CD109: variants seen among roughly 807,000 people sequenced by gnomAD.
CD109 encodes the protein CD109 molecule.
Under a neutral mutation model 165.8 loss-of-function variants are expected in CD109, and 149 were observed. The ratio of observed to expected loss-of-function variants is 0.90; its 90% CI spans 0.79 to 1.03. The LOEUF is 1.03. CD109 is among the 50% of genes least tolerant of loss of function. CD109 has a pLI of 0.00. For missense variants in CD109, 1,712 were observed against 1,677.8 expected (o/e 1.02, Z -0.36); for synonymous variants, 585 against 592.1 (o/e 0.99, Z 0.18).
At chr6:73,772,422 A>G (rs1179671550) in intron 15 of CD109, among the ~76,000 whole-genome samples, 8 of 149,766 alleles carry the variant, frequency 5.3e-5, no homozygotes, top group Non-Finnish European at 7.4e-5. Flanking sequence ...GGAGAATGGC[A>G]TGAATCCCAG....
chr6:73,751,618 ATAT>A (rs1773191388), intron 5 of CD109, among the ~76,000 whole-genome samples: 1 of 152,108 alleles, frequency 6.6e-6, no homozygotes, highest in Non-Finnish European at 1.5e-5. Flanking sequence ...GCCAGCACAA[ATAT>A]TATACCCTTT....
intron 22 of CD109, among the ~76,000 whole-genome samples, chr6:73,791,254 G>A (rs1291236198): frequency 1.7e-5 from 2 of 117,548 alleles, no homozygotes; most frequent in South Asian, 5.2e-4. Flanking sequence ...GTTTAGCTAT[G>A]TTTGCCCCAG....
chr6:73,819,820 A>G (rs889042379), intron 31 of CD109, among the ~76,000 whole-genome samples: 2 of 152,232 alleles, frequency 1.3e-5, no homozygotes, highest in Admixed American at 1.3e-4. Context: ...TTTGTCTTCT[A>G]TCTTTGATGC....
intron 30 of CD109, 60 bp from the exon 31 acceptor site, chr6:73,818,328 T>G: frequency 6.4e-7 from 1 of 1,571,612 alleles, no homozygotes; most frequent in Non-Finnish European, 8.7e-7. Context: ...TGAAGATAAT[T>G]TGATAACAGC....
At position 73,808,068 on chromosome 6, in the gene CD109, T is replaced by C; in HGVS notation, c.3190-15T>C. The C allele has an allele frequency of 6.2e-7, 1 of 1,609,004 alleles. No homozygotes were observed. On this transcript the variant is annotated splice_polypyrimidine_tract_variant and intron_variant, in intron 25 of 32. Coordinates refer to ENST00000287097, the MANE Select transcript of CD109 (RefSeq NM_133493.5). ...TTACTCTGAATAGTAAAAAACATAC[T>C]TTTTTTCTTCCAAGCCTAACATTGA... is the stretch of plus-strand genomic sequence containing the variant.
intron 25 of CD109, 108 bp downstream of exon 25, chr6:73,807,180 C>A: frequency 3.9e-6 from 3 of 763,460 alleles, no homozygotes; most frequent in Non-Finnish European, 6.4e-6. Flanking sequence ...CTTTACAACA[C>A]ATGTGAAATC....
intron 31 of CD109, among the ~76,000 whole-genome samples, chr6:73,819,810 T>G (rs1776050668): frequency 6.6e-6 from 1 of 152,178 alleles, no homozygotes; most frequent in Non-Finnish European, 1.5e-5. Flanking sequence ...GGTTTTGGAG[T>G]TTGTCTTCTA....
intron 24 of CD109, among the ~76,000 whole-genome samples, chr6:73,806,025 G>T (rs1466240765): frequency 1.5e-4 from 23 of 152,118 alleles, no homozygotes; most frequent in Admixed American, 1.5e-3. Context: ...TATACCCAAA[G>T]GATTATAAAT....
chr6:73,726,682 CTTA>C (rs1401881588), intron 3 of CD109, among the ~76,000 whole-genome samples: 1 of 152,150 alleles, frequency 6.6e-6, no homozygotes, highest in African/African-American at 2.4e-5. Flanking sequence ...ATGTGCTTAC[CTTA>C]TGTATCCTAG....
At chr6:73,790,088 T>C (rs1774864732) in intron 22 of CD109, among the ~76,000 whole-genome samples, 1 of 140,086 alleles carries the variant, frequency 7.1e-6, no homozygotes, top group Admixed American at 7.5e-5. Context: ...ATATTTACCA[T>C]GCTAAAAGTC....
At chr6:73,752,444 T>C (rs559899105) in intron 5 of CD109, among the ~76,000 whole-genome samples, 1 of 152,342 alleles carries the variant, frequency 6.6e-6, no homozygotes, top group South Asian at 2.1e-4. Context: ...TCCCACTTCA[T>C]TTGTCTAATT....
In CD109 at chr6:73,803,204, CTA is replaced by C; in HGVS notation, c.2879-14_2879-13del. On this transcript the variant is annotated splice_polypyrimidine_tract_variant and intron_variant, in intron 23 of 32. Transcript: ENST00000287097. The stretch of plus-strand genomic sequence containing the variant: ...GTTAATGATTACTTTGACTATCTGT[CTA>C]TTTTTGTGTCTAGGTTACCAGAGAG... The C allele has an allele frequency of 6.4e-7, 1 of 1,569,578 alleles. No homozygotes were observed. The highest frequency in any genetic ancestry group is 1.4e-5 in the African/African-American group (1 of 73,894).
chr6:73,809,024 C>T (rs1220741608), intron 26 of CD109, among the ~76,000 whole-genome samples: 1 of 152,078 alleles, frequency 6.6e-6, no homozygotes, highest in Admixed American at 6.6e-5. Context: ...AAGCTGGGGA[C>T]TAGAAGATTA....
chr6:73,748,103 C>T (rs531051923), intron 5 of CD109, among the ~76,000 whole-genome samples: 1 of 152,236 alleles, frequency 6.6e-6, no homozygotes, highest in East Asian at 1.9e-4. Flanking sequence ...CTCCTTAGCT[C>T]AAGTGATCTG....
intron 13 of CD109, among the ~76,000 whole-genome samples, chr6:73,767,383 G>T (rs927502367): frequency 2.6e-5 from 4 of 152,164 alleles, no homozygotes; most frequent in African/African-American, 4.8e-5. Flanking sequence ...CAAAGGACAT[G>T]ATTTTATTCT....
intron 2 of CD109, among the ~76,000 whole-genome samples, chr6:73,700,303 C>T (rs1771016863): frequency 6.6e-6 from 1 of 150,744 alleles, no homozygotes; most frequent in African/African-American, 2.4e-5. Context: ...CCAGACTGGT[C>T]TTGAACTCCT....
intron 32 of CD109, among the ~76,000 whole-genome samples, chr6:73,821,944 T>C (rs1776123308): frequency 6.6e-6 from 1 of 152,224 alleles, no homozygotes; most frequent in Non-Finnish European, 1.5e-5. Flanking sequence ...TGCAATGCAG[T>C]AGCATCGGCT....
intron 2 of CD109, among the ~76,000 whole-genome samples, chr6:73,698,755 G>A (rs1770950103): frequency 1.3e-5 from 2 of 152,174 alleles, no homozygotes; most frequent in Admixed American, 1.3e-4. Context: ...TAGAAGCAAT[G>A]TCAGGGAAGT....
intron 27 of CD109, among the ~76,000 whole-genome samples, chr6:73,810,648 T>A (rs1039040972): frequency 6.6e-6 from 1 of 150,596 alleles, no homozygotes; most frequent in African/African-American, 2.4e-5. Context: ...GATTAACAAG[T>A]GAATTTAGTA....
Sources: allele counts gnomAD v4.1 joint callset (sites outside exome capture counted in the v4.1 genomes callset), GRCh38; gene constraint gnomAD v4.1.1; transcripts MANE v1.5; gene names NCBI Gene and HGNC (gene_info 2026-07-23, HGNC 2026-07-21).